Variants in PCDH11Y observed in about 807,000 individuals in gnomAD.
PCDH11Y encodes protocadherin-11 Y-linked.
For synonymous variants in PCDH11Y, 9 were observed against 83.6 expected (o/e 0.11, Z 4.87); for missense variants, 12 against 224.8 (o/e 0.05, Z 6.05).
intron 2 of PCDH11Y, among the ~76,000 whole-genome samples, chrY:5,195,347 C>T: frequency 6.0e-5 from 2 of 33,183 alleles, no homozygotes; most frequent in Admixed American, 2.8e-4. Context: ...TATAGTGATA[C>T]GTACCTTACT....
chrY:5,255,200 G>A, intron 2 of PCDH11Y, among the ~76,000 whole-genome samples: 2 of 30,536 alleles, frequency 6.5e-5, no homozygotes, highest in Admixed American at 3.1e-4. Context: ...CCCAACCCTC[G>A]AACTACTCTC....
chrY:5,351,971 T>G, intron 2 of PCDH11Y, among the ~76,000 whole-genome samples: 1 of 32,321 alleles, frequency 3.1e-5, no homozygotes, highest in Non-Finnish European at 7.5e-5. Flanking sequence ...TAAATTAGAT[T>G]GATTATAGTA....
chrY:5,565,942 GTATATATATATATATATATAA>G (rs2053434032), intron 3 of PCDH11Y, among the ~76,000 whole-genome samples: 2 of 18,115 alleles, frequency 1.1e-4, no homozygotes, highest in Non-Finnish European at 2.4e-4. Flanking sequence ...GTGTGTGTGT[GTATATATATATATATATATAA>G]TATATATATA....
intron 2 of PCDH11Y, among the ~76,000 whole-genome samples, chrY:5,146,606 G>A: frequency 3.1e-5 from 1 of 32,439 alleles, no homozygotes; most frequent in Non-Finnish European, 7.5e-5. Context: ...CTAGTTATAC[G>A]AAGGATAGCT....
chrY:5,386,419 G>C, intron 2 of PCDH11Y, among the ~76,000 whole-genome samples: 1 of 32,569 alleles, frequency 3.1e-5, no homozygotes, highest in African/African-American at 1.2e-4. Context: ...GGCCGGGGAA[G>C]TTTTCCTCAA....
intron 2 of PCDH11Y, among the ~76,000 whole-genome samples, chrY:5,390,761 G>A (rs2124675855): frequency 6.1e-5 from 2 of 32,690 alleles, no homozygotes; most frequent in Non-Finnish European, 1.5e-4. Context: ...CTAAAAAAGT[G>A]AAACTGACAA....
intron 3 of PCDH11Y, among the ~76,000 whole-genome samples, chrY:5,527,249 G>T: frequency 2.4e-4 from 8 of 33,162 alleles, no homozygotes; most frequent in Non-Finnish European, 4.5e-4. Flanking sequence ...GTTAAAACTA[G>T]CAGTGCAGCA....
intron 2 of PCDH11Y, among the ~76,000 whole-genome samples, chrY:5,315,442 T>C (rs1602903254): frequency 2.9e-5 from 1 of 33,994 alleles, no homozygotes; most frequent in Non-Finnish European, 7.3e-5. Context: ...TCATGTATAA[T>C]GACTTTTGAA....
intron 2 of PCDH11Y, among the ~76,000 whole-genome samples, chrY:5,250,440 A>T: frequency 9.3e-5 from 3 of 32,139 alleles, no homozygotes; most frequent in African/African-American, 3.7e-4. Flanking sequence ...CTATGCAACC[A>T]TAAAAAAGAA....
chrY:5,107,883 C>A, downstream of PCDH11Y, among the ~76,000 whole-genome samples: 1 of 31,952 alleles, frequency 3.1e-5, no homozygotes, highest in African/African-American at 1.2e-4. Context: ...CACAGTGAAA[C>A]CCCGTCTCTA....
At chrY:5,175,479 G>A (rs2052892590) in intron 2 of PCDH11Y, among the ~76,000 whole-genome samples, 1 of 23,017 alleles carries the variant, frequency 4.3e-5, no homozygotes, top group African/African-American at 1.7e-4. Context: ...ACCTACTAAC[G>A]TGTCATCTAG....
intron 2 of PCDH11Y, among the ~76,000 whole-genome samples, chrY:5,498,029 G>A (rs1602934365): frequency 3.1e-5 from 1 of 32,172 alleles, no homozygotes; most frequent in African/African-American, 1.2e-4. Flanking sequence ...CCAGTTTATC[G>A]ATCTGGGTGG....
At chrY:5,242,117 C>T in intron 2 of PCDH11Y, among the ~76,000 whole-genome samples, 1 of 28,673 alleles carries the variant, frequency 3.5e-5, no homozygotes, top group South Asian at 8.3e-4. Context: ...AGCTGACTGC[C>T]GTAGCGCATG....
chrY:5,389,220 C>G, intron 2 of PCDH11Y, among the ~76,000 whole-genome samples: 8 of 33,651 alleles, frequency 2.4e-4, no homozygotes, highest in Non-Finnish European at 4.4e-4. Context: ...TGTGAAAGCC[C>G]TAAGATAAGT....
At chrY:5,279,045 T>A in intron 2 of PCDH11Y, among the ~76,000 whole-genome samples, 1 of 32,884 alleles carries the variant, frequency 3.0e-5, no homozygotes, top group African/African-American at 1.2e-4. Context: ...GGATTCCATG[T>A]TTAATAGAGT....
intron 2 of PCDH11Y, among the ~76,000 whole-genome samples, chrY:5,311,162 A>T: frequency 6.1e-5 from 2 of 32,710 alleles, no homozygotes; most frequent in South Asian, 1.3e-3. Flanking sequence ...TATAAGTTCC[A>T]TAAAGTTTAT....
At chrY:5,050,027 A>C in intron 3 of PCDH11Y, among the ~76,000 whole-genome samples, 1 of 33,205 alleles carries the variant, frequency 3.0e-5, no homozygotes, top group Non-Finnish European at 7.4e-5. Context: ...ATGTGTAAAA[A>C]ACTGAGAACT....
Position 5,531,661 on chromosome Y carries a change from T to G in PCDH11Y, c.3328+30406T>G, listed in dbSNP as rs2124691546. ...ACTAAATGCTTTGTATTGCCCCTTT[T>G]CATTATCTCCCACCTTGGACCTTTC... On this transcript the variant is annotated intron_variant, in intron 3 of 4. Transcript: ENST00000400457. Among the ~76,000 whole-genome samples, 5 of 32,709 alleles carry G rather than the reference T, an allele frequency of 1.5e-4. No individual in the cohort carries two copies. The East Asian group carries it at 4.0e-3, about 26-fold the overall frequency. 87.8% of individuals were successfully genotyped at this position (32,709 alleles called of 37,273 possible).
intron 3 of PCDH11Y, among the ~76,000 whole-genome samples, chrY:5,576,991 C>T (rs2124697012): frequency 3.0e-5 from 1 of 32,801 alleles, no homozygotes; most frequent in African/African-American, 1.2e-4. Flanking sequence ...AACATGAATT[C>T]TAATTCTACT....
Sources: gnomAD v4.1 joint callset for allele counts (sites outside exome capture counted in the v4.1 genomes callset) on GRCh38, gnomAD v4.1.1 for gene constraint, MANE v1.5 for transcripts, NCBI Gene and HGNC (gene_info 2026-07-23, HGNC 2026-07-21) for gene names.